Variants in VTI1A observed in about 807,000 individuals in gnomAD.
VTI1A encodes the protein vesicle transport through interaction with t-SNAREs 1A, also known as vesicle transport through interaction with t-SNAREs homolog 1A.
A neutral mutation model predicts 34.9 loss-of-function variants in VTI1A; 22 were observed. That is an observed-to-expected ratio of 0.63 (90% CI 0.45 to 0.90). The LOEUF is 0.90. Among genes scored for constraint, VTI1A ranks in the 40% least tolerant of loss-of-function variants. The pLI is 0.00. For synonymous variants in VTI1A, 87 were observed against 97.3 expected (o/e 0.89, Z 0.62); for missense variants, 268 against 275.6 (o/e 0.97, Z 0.20).
At chr10:112,557,956 A>G (rs906168762) in intron 5 of VTI1A, among the ~76,000 whole-genome samples, 3 of 152,208 alleles carry the variant, frequency 2.0e-5, no homozygotes, top group African/African-American at 4.8e-5. Context: ...AAGAACAAAG[A>G]TATTGTTCTT....
chr10:112,492,063 C>T (rs1022383847), intron 3 of VTI1A, among the ~76,000 whole-genome samples: 4 of 152,144 alleles, frequency 2.6e-5, no homozygotes, highest in Non-Finnish European at 4.4e-5. Flanking sequence ...TTCCAATGTT[C>T]GATCAAGGTT....
chr10:112,547,781 T>C (rs1166923608), intron 5 of VTI1A, among the ~76,000 whole-genome samples: 2 of 152,168 alleles, frequency 1.3e-5, no homozygotes, highest in Non-Finnish European at 2.9e-5. Flanking sequence ...GAAAATAAAT[T>C]ATTTTTAGAT....
In VTI1A at chr10:112,813,661, T is replaced by A. The variant is rs569761268; in HGVS notation, c.561-1629T>A. 2.1e-4 allele frequency among the ~76,000 whole-genome samples: 32 copies of A among 152,274 alleles called. No individual in the cohort carries two copies. In the South Asian group the frequency reaches 6.4e-3, roughly 31 times the overall value. On this transcript the variant is annotated intron_variant, in intron 7 of 7. Coordinates refer to ENST00000393077, the MANE Select transcript of VTI1A (RefSeq NM_145206.4). The stretch of plus-strand genomic sequence containing the variant: ...AGCCTCACTATCATAAGCCATGAAG[T>A]CCTGTTTTTATTTATTTATTTGGGG...
chr10:112,738,623 C>A (rs558621414), intron 7 of VTI1A, among the ~76,000 whole-genome samples: 1 of 152,108 alleles, frequency 6.6e-6, no homozygotes, highest in Non-Finnish European at 1.5e-5. Context: ...ATCTTTTCTC[C>A]CCAATACAGT....
chr10:112,447,378 C>T lies in VTI1A; in HGVS notation c.5C>T (p.Ser2Leu). The change falls in exon 1 of 8, where the codon TCG becomes TTG. Residue 2 changes from serine to leucine, a missense_variant. Transcript: ENST00000393077. ...GCTACTCGTTCCGGAGCCGCCATGT[C>T]GTCCGACTTCGAAGGTTACGAGCAG... M[S>L]SDFEGYEQDF... 6.2e-7 allele frequency: 1 copy of T among 1,613,288 alleles called. No homozygotes were observed. The highest frequency in any genetic ancestry group is 8.5e-7 in the Non-Finnish European group (1 of 1,179,868).
intron 7 of VTI1A, among the ~76,000 whole-genome samples, chr10:112,755,873 T>TGTCTGCAGTCTCC (rs1564913256): frequency 6.6e-6 from 1 of 151,968 alleles, no homozygotes; most frequent in Non-Finnish European, 1.5e-5. Flanking sequence ...CTGCAGTCTC[T>TGTCTGCAGTCTCC]GGCTTGACTT....
At chr10:112,624,526 A>G (rs377395263) in intron 5 of VTI1A, among the ~76,000 whole-genome samples, 1 of 152,142 alleles carries the variant, frequency 6.6e-6, no homozygotes, top group African/African-American at 2.4e-5. Flanking sequence ...AGGTTTTTTA[A>G]TATACATTTT....
intron 3 of VTI1A, among the ~76,000 whole-genome samples, chr10:112,491,680 T>C (rs1478792837): frequency 6.6e-6 from 1 of 152,206 alleles, no homozygotes; most frequent in Non-Finnish European, 1.5e-5. Context: ...TATTTTACAT[T>C]CTTTTTTTCT....
the VTI1A span, among the ~76,000 whole-genome samples, chr10:112,850,244 C>T: frequency 1.3e-5 from 2 of 151,816 alleles, no homozygotes; most frequent in Non-Finnish European, 2.9e-5. Context: ...CCCAGGTCAG[C>T]GGGTCACCTG....
chr10:112,840,370 G>T, the VTI1A span, among the ~76,000 whole-genome samples: 1 of 152,014 alleles, frequency 6.6e-6, no homozygotes, highest in Non-Finnish European at 1.5e-5. Context: ...CAACCCAACA[G>T]CCTCCACTCA....
At chr10:112,685,802 T>G (rs1452798296) in intron 7 of VTI1A, among the ~76,000 whole-genome samples, 1 of 152,214 alleles carries the variant, frequency 6.6e-6, no homozygotes, top group Middle Eastern at 3.2e-3. Flanking sequence ...TCTGTCCCAA[T>G]TCCCTTTGTC....
chr10:112,705,736 G>GTCAA, intron 7 of VTI1A, among the ~76,000 whole-genome samples: 1 of 152,178 alleles, frequency 6.6e-6, no homozygotes, highest in East Asian at 1.9e-4. Context: ...TGTGGACTGA[G>GTCAA]TCAATGCACA....
intron 7 of VTI1A, among the ~76,000 whole-genome samples, chr10:112,794,635 C>T (rs537935680): frequency 1.1e-3 from 173 of 152,188 alleles, no homozygotes; most frequent in African/African-American, 3.8e-3. Context: ...ATTTACATTT[C>T]AATGTATATC....
chr10:112,709,826 G>A (rs1394959817), intron 7 of VTI1A, among the ~76,000 whole-genome samples: 1 of 149,876 alleles, frequency 6.7e-6, no homozygotes, highest in Non-Finnish European at 1.5e-5. Flanking sequence ...AGGTAGGTGG[G>A]ACTATAGGCA....
chr10:112,748,044 A>G (rs1274504854), intron 7 of VTI1A, among the ~76,000 whole-genome samples: 6 of 151,982 alleles, frequency 3.9e-5, no homozygotes, highest in Non-Finnish European at 7.4e-5. Flanking sequence ...CCCTCATCTC[A>G]TAGGTGGAGA....
At chr10:112,785,726 A>G (rs1046229682) in intron 7 of VTI1A, among the ~76,000 whole-genome samples, 8 of 152,044 alleles carry the variant, frequency 5.3e-5, no homozygotes, top group African/African-American at 1.7e-4. Flanking sequence ...TGGGTACCCA[A>G]TTTCTCTATT....
chr10:112,568,323 A>G (rs952253353), intron 5 of VTI1A, among the ~76,000 whole-genome samples: 4 of 152,264 alleles, frequency 2.6e-5, no homozygotes, highest in East Asian at 1.9e-4. Context: ...CCTGGCCAAC[A>G]TGATGAAACC....
intron 7 of VTI1A, among the ~76,000 whole-genome samples, chr10:112,770,329 G>A (rs534132660): frequency 1.6e-4 from 24 of 152,178 alleles, no homozygotes; most frequent in Non-Finnish European, 2.8e-4. Context: ...AGTATGACAC[G>A]AAAACAATAA....
chr10:112,541,293 T>A (rs931240280), intron 5 of VTI1A, among the ~76,000 whole-genome samples: 1 of 152,204 alleles, frequency 6.6e-6, no homozygotes, highest in African/African-American at 2.4e-5. Flanking sequence ...TAATCAGCTG[T>A]GTGACTTTGA....
Sources: gnomAD v4.1 joint callset for allele counts (sites outside exome capture counted in the v4.1 genomes callset) on GRCh38, gnomAD v4.1.1 for gene constraint, MANE v1.5 for transcripts, NCBI Gene and HGNC (gene_info 2026-07-23, HGNC 2026-07-21) for gene names.